ALMS1: variants seen among roughly 807,000 people sequenced by gnomAD.
ALMS1 encodes centrosome-associated protein ALMS1.
ALMS1 carries 271 observed loss-of-function variants against 352.2 expected under a neutral mutation model. The ratio of observed to expected loss-of-function variants is 0.77; its 90% CI spans 0.70 to 0.85. The LOEUF is 0.85. Ranked by LOEUF, ALMS1 falls within the 40% of genes least tolerant of loss-of-function variation. ALMS1 has a pLI of 0.00. For synonymous variants in ALMS1, 1,865 were observed against 1,761.2 expected, an observed-to-expected ratio of 1.06 and a Z score of -1.48; for missense variants, 5,445 against 4,870.7, an observed-to-expected ratio of 1.12 and a Z score of -3.51.
intron 7 of ALMS1, among the ~76,000 whole-genome samples, chr2:73,438,345 A>G (rs1400228551): frequency 1.3e-5 from 2 of 152,238 alleles, no homozygotes; most frequent in Non-Finnish European, 2.9e-5. Context: ...AATTGGCTCC[A>G]AAGTATGAGT....
At chr2:73,422,475 C>T (rs1420014551) in intron 3 of ALMS1, among the ~76,000 whole-genome samples, 3 of 152,124 alleles carry the variant, frequency 2.0e-5, no homozygotes, top group Non-Finnish European at 2.9e-5. Context: ...AAGAAACACT[C>T]ATAATAGTTA....
intron 9 of ALMS1, among the ~76,000 whole-genome samples, chr2:73,464,348 A>G (rs1384021752): frequency 5.9e-5 from 9 of 152,240 alleles, no homozygotes; most frequent in Admixed American, 3.9e-4. Context: ...CAAAAACCAC[A>G]TGATTATCTC....
intron 10 of ALMS1, among the ~76,000 whole-genome samples, chr2:73,511,671 T>G (rs1318308534): frequency 1.3e-5 from 2 of 152,322 alleles, no homozygotes; most frequent in Admixed American, 6.5e-5. Flanking sequence ...AGTTTTTTAT[T>G]TCTCTATGAC....
rs200087520 is a variant in ALMS1 at position 73,453,392 on chromosome 2, A to T, written c.6865A>T (p.Ile2289Phe). Residue 2289 changes from isoleucine to phenylalanine, a missense_variant, in exon 8 of 23, where the codon ATT becomes TTT. Physicochemically the swap from Ile to Phe is conservative, Grantham distance 21. Transcript: ENST00000613296. ...TGCTCCCCTTGCCCGTTTCAGAGATATTAGTGATATTTCATTTATACAATC... is the reference window on the plus strand; with the variant it reads ...TGCTCCCCTTGCCCGTTTCAGAGATTTTAGTGATATTTCATTTATACAATC... ...FPAPLARFRDISDISFIQSKK... is the reference protein window; with the variant it reads ...FPAPLARFRDFSDISFIQSKK... 7.4e-6 allele frequency: 12 copies of T among 1,613,870 alleles called. No individual in the cohort carries two copies. In the East Asian group the frequency reaches 2.5e-4, roughly 33 times the overall value.
chr2:73,395,074 A>ATTTTTTT (rs1286212985), intron 1 of ALMS1, among the ~76,000 whole-genome samples: 1 of 101,268 alleles, frequency 9.9e-6, no homozygotes, highest in African/African-American at 5.2e-5. Context: ...ATATATATAT[A>ATTTTTTT]TATATTTTTT....
At position 73,609,684 on chromosome 2, in the gene ALMS1, T is replaced by G. The variant is rs1228575866; in HGVS notation, c.*72T>G. On this transcript the variant is annotated 3_prime_UTR_variant, in exon 23 of 23. Transcript: ENST00000613296. ...TAGAGAAGCAGAATCCTTACTTTTG[T>G]GAGTCTGGTTGAATAAAGCTTATTC... 7.1e-7 allele frequency: 1 copy of G among 1,402,768 alleles called. No homozygotes were observed. The highest frequency in any genetic ancestry group is 1.0e-6 in the Non-Finnish European group (1 of 988,452). 86.9% of individuals were successfully genotyped at this position (1,402,768 alleles called of 1,614,324 possible).
At chr2:73,470,903 G>A (rs1404772002) in intron 9 of ALMS1, 1 of 151,694 alleles carries the variant, frequency 6.6e-6, no homozygotes, top group Non-Finnish European at 1.5e-5. Flanking sequence ...TCGTCTGATA[G>A]TGTGGCCACA....
At position 73,600,847 on chromosome 2, in the gene ALMS1, A is replaced by G; in HGVS notation, c.11838A>G (p.Arg3946=). The stretch of plus-strand genomic sequence containing the variant: ...TCTTTACCGGTTATCCTGAGGACAG[A>G]AAGTTAAAAAAGAACAAGAAGAATT... ...KMLFTGYPED[R]KLKKNKKNSH... is the part of the protein sequence containing the mutation. Residue 3946 remains arginine (R), a synonymous_variant, in exon 18 of 23, where the codon AGA becomes AGG. Transcript: ENST00000613296. 3 of 1,614,194 alleles carry G rather than the reference A, an allele frequency of 1.9e-6. No homozygotes were observed. Among genetic ancestry groups the G allele is most frequent in the Non-Finnish European group, 2.5e-6 (3 of 1,180,010 alleles).
intron 9 of ALMS1, among the ~76,000 whole-genome samples, chr2:73,483,370 T>C (rs1672756252): frequency 6.6e-6 from 1 of 151,606 alleles, no homozygotes; most frequent in Non-Finnish European, 1.5e-5. Flanking sequence ...AGTTTCCATG[T>C]AGTTGAGCGG....
At chr2:73,423,116 A>C (rs1403011821) in intron 4 of ALMS1, 142 bp downstream of exon 4, 28 of 739,142 alleles carry the variant, frequency 3.8e-5, no homozygotes, top group Non-Finnish European at 6.5e-5. Flanking sequence ...AAAGTCCTGT[A>C]CTAAGACTTG....
In ALMS1 at chr2:73,385,915, A is replaced by G; in HGVS notation, c.47A>G (p.Glu16Gly). 1.2e-6 allele frequency: 1 copy of G among 825,136 alleles called. No homozygotes were observed. Among genetic ancestry groups the G allele is most frequent in the Non-Finnish European group, 2.0e-6 (1 of 509,710 alleles). The allele number at this position is 825,136 out of a possible 1,614,324, so 51.1% of individuals were successfully genotyped here. The stretch of plus-strand genomic sequence containing the variant: ...TGGCCGGGCGAGCTGGAGGAGGAGG[A>G]GGAGGAGGAGGAGGAGGAGGAGGAG... ...LPWPGELEEEEEEEEEEEEEE... is the reference protein window; with the variant it reads ...LPWPGELEEEGEEEEEEEEEE... Residue 16 changes from glutamate to glycine, a missense_variant, in exon 1 of 23, where the codon GAG (glutamate) becomes GGG (glycine). Coordinates refer to ENST00000613296, the MANE Select transcript of ALMS1 (RefSeq NM_001378454.1).
chr2:73,458,366 C>G (rs1222580732), intron 9 of ALMS1: 1 of 151,972 alleles, frequency 6.6e-6, no homozygotes, highest in Non-Finnish European at 1.5e-5. Context: ...TATTCACTAC[C>G]CTACTGTTGG....
chr2:73,483,415 T>C (rs1237354691), intron 9 of ALMS1, among the ~76,000 whole-genome samples: 1 of 151,918 alleles, frequency 6.6e-6, no homozygotes, highest in Non-Finnish European at 1.5e-5. Flanking sequence ...AGTTCTAGTT[T>C]GATTGCACTG....
Position 73,490,144 on chromosome 2 carries a change from T to G in ALMS1, c.8185T>G (p.Ser2729Ala), listed in dbSNP as rs1379197871. ...SHRHSKCISN[S>A]SVVKVGVTEG... ...CCGACATTCTAAATGCATTTCCAAT[T>G]CCTCTGTTGTTAAGGTTGGTGTTAC... The change falls in exon 10 of 23, where the codon TCC (serine) becomes GCC (alanine). Residue 2729 changes from serine (S) to alanine (A), a missense_variant. Coordinates refer to ENST00000613296, the MANE Select transcript of ALMS1 (RefSeq NM_001378454.1). The G allele has an allele frequency of 6.2e-7, 1 of 1,614,166 alleles. No homozygotes were observed. Among genetic ancestry groups the G allele is most frequent in the South Asian group, 1.1e-5 (1 of 91,076 alleles).
chr2:73,470,595 A>C (rs1426956510), intron 9 of ALMS1: 2 of 151,758 alleles, frequency 1.3e-5, no homozygotes, highest in Non-Finnish European at 1.5e-5. Context: ...TTAATATGTG[A>C]TCTATCCTGG....
chr2:73,388,334 A>G (rs1670579303), intron 1 of ALMS1, among the ~76,000 whole-genome samples: 1 of 152,210 alleles, frequency 6.6e-6, no homozygotes, highest in African/African-American at 2.4e-5. Flanking sequence ...GATATATTGC[A>G]TAATGGTGAG....
Position 73,385,903 on chromosome 2 carries a change from T to TGGAGGAGGAGGAGGAGGAGGA in ALMS1, c.54_74dup (p.Glu22_Glu28dup), listed in dbSNP as rs55889738. 7.6e-5 allele frequency: 53 copies of TGGAGGAGGAGGAGGAGGAGGA among 701,362 alleles called. No homozygotes were observed. Among genetic ancestry groups the TGGAGGAGGAGGAGGAGGAGGA allele is most frequent in the East Asian group, 3.7e-4 (13 of 35,248 alleles). The allele number at this position is 701,362 out of a possible 1,614,324, so 43.4% of individuals were successfully genotyped here. On this transcript the variant is annotated inframe_insertion, in exon 1 of 23. Transcript: ENST00000613296. ...GAGGATCTGCCATGGCCGGGCGAGC[T>TGGAGGAGGAGGAGGAGGAGGA]GGAGGAGGAGGAGGAGGAGGAGGAG...
At chr2:73,599,031 CTTT>C (rs553755813) in intron 16 of ALMS1, among the ~76,000 whole-genome samples, 73 of 152,290 alleles carry the variant, frequency 4.8e-4, no homozygotes, top group South Asian at 1.9e-3. Flanking sequence ...GTTCATCACT[CTTT>C]TTAGCTATCT....
chr2:73,571,748 G>T (rs1208535777), intron 15 of ALMS1, among the ~76,000 whole-genome samples: 1 of 152,048 alleles, frequency 6.6e-6, no homozygotes, highest in Non-Finnish European at 1.5e-5. Context: ...AAAAAGTCAA[G>T]ATGGTCCACA....
Sources: gnomAD v4.1 joint callset for allele counts (sites outside exome capture counted in the v4.1 genomes callset) on GRCh38, gnomAD v4.1.1 for gene constraint, MANE v1.5 for transcripts, NCBI Gene and HGNC (gene_info 2026-07-23, HGNC 2026-07-21) for gene names.